The following CSMD1 variants were observed in gnomAD, a reference collection of about 807,000 sequenced individuals.
The protein encoded by CSMD1 is CUB and Sushi multiple domains 1.
Under a neutral mutation model 417.5 loss-of-function variants are expected in CSMD1, and 213 were observed. The ratio of observed to expected loss-of-function variants is 0.51; its 90% CI spans 0.46 to 0.57. CSMD1 has a LOEUF of 0.57. Ranked by LOEUF, CSMD1 falls within the 20% of genes least tolerant of loss-of-function variation. The probability of loss-of-function intolerance (pLI) is 0.00; values close to 1 mark genes in which losing one functional copy is unlikely to be tolerated. For missense variants in CSMD1, 6,923 were observed against 4,529.7 expected (o/e 1.53, Z -15.17); for synonymous variants, 2,862 against 1,736.8 (o/e 1.65, Z -16.11).
chr8:4,473,504 C>G (rs554871209), intron 2 of CSMD1, among the ~76,000 whole-genome samples: 2 of 152,184 alleles, frequency 1.3e-5, no homozygotes, highest in South Asian at 4.1e-4. Flanking sequence ...AACCCCCACT[C>G]CCCTCTTGCA....
chr8:3,119,442 T>C (rs1817068065), intron 41 of CSMD1, among the ~76,000 whole-genome samples: 2 of 141,370 alleles, frequency 1.4e-5, no homozygotes, highest in Admixed American at 7.3e-5. Context: ...TGACAACTAC[T>C]ATCAGTACAA....
intron 49 of CSMD1, among the ~76,000 whole-genome samples, chr8:3,075,966 G>T (rs970682330): frequency 6.6e-6 from 1 of 151,664 alleles, no homozygotes. Context: ...CAGGAGAATG[G>T]CATGAACCTG....
intron 12 of CSMD1, among the ~76,000 whole-genome samples, chr8:3,413,127 T>G (rs1378390446): frequency 6.6e-6 from 1 of 152,218 alleles, no homozygotes; most frequent in Non-Finnish European, 1.5e-5. Flanking sequence ...ATAAGATTCA[T>G]GGAAATTACC....
intron 5 of CSMD1, among the ~76,000 whole-genome samples, chr8:3,881,333 G>C (rs1806189474): frequency 6.7e-6 from 1 of 149,980 alleles, no homozygotes; most frequent in South Asian, 2.1e-4. Context: ...TGAATATATA[G>C]ATATATAAAA....
chr8:3,427,205 T>A (rs918362059), intron 12 of CSMD1, among the ~76,000 whole-genome samples: 2 of 152,188 alleles, frequency 1.3e-5, no homozygotes, highest in Non-Finnish European at 2.9e-5. Context: ...ACTATATCAC[T>A]GAATAAGCAT....
intron 10 of CSMD1, among the ~76,000 whole-genome samples, chr8:3,536,974 G>A (rs1164438812): frequency 6.6e-6 from 1 of 152,112 alleles, no homozygotes; most frequent in South Asian, 2.1e-4. Context: ...GCAACATTGT[G>A]CAACAATAGG....
intron 2 of CSMD1, among the ~76,000 whole-genome samples, chr8:4,634,217 T>A (rs1360172682): frequency 6.6e-6 from 1 of 152,162 alleles, no homozygotes. Context: ...TCCAAGATGA[T>A]AATATAAAGG....
At chr8:4,939,082 C>G (rs59235315) in intron 1 of CSMD1, among the ~76,000 whole-genome samples, 1 of 152,196 alleles carries the variant, frequency 6.6e-6, no homozygotes. Context: ...ATTCTCCCCC[C>G]TCTGCGGGTT....
At chr8:2,974,215 A>G (rs565512806) in intron 56 of CSMD1, among the ~76,000 whole-genome samples, 1 of 152,312 alleles carries the variant, frequency 6.6e-6, no homozygotes, top group South Asian at 2.1e-4. Flanking sequence ...TGAGATCCAG[A>G]CTCTCCTGAG....
intron 3 of CSMD1, among the ~76,000 whole-genome samples, chr8:4,215,985 A>C (rs568994224): frequency 6.6e-6 from 1 of 152,306 alleles, no homozygotes; most frequent in South Asian, 2.1e-4. Flanking sequence ...TTAAACTCAG[A>C]GAGTGGTGCC....
At chr8:4,674,714 T>C (rs912150804) in intron 1 of CSMD1, among the ~76,000 whole-genome samples, 6 of 152,130 alleles carry the variant, frequency 3.9e-5, no homozygotes, top group African/African-American at 1.4e-4. Context: ...AAGAGAGTAG[T>C]GCAAATACAT....
At chr8:3,563,998 G>C (rs1799586707) in intron 10 of CSMD1, among the ~76,000 whole-genome samples, 1 of 152,052 alleles carries the variant, frequency 6.6e-6, no homozygotes, top group African/African-American at 2.4e-5. Context: ...TTAAAGTTCT[G>C]TCTTTTTAAG....
intron 1 of CSMD1, among the ~76,000 whole-genome samples, chr8:4,704,691 GT>G (rs1563179937): frequency 2.2e-4 from 34 of 152,098 alleles, no homozygotes; most frequent in Non-Finnish European, 1.5e-5. Flanking sequence ...AAAGTATTTT[GT>G]TTGTTTGCTT....
intron 1 of CSMD1, among the ~76,000 whole-genome samples, chr8:4,778,619 C>T (rs985036503): frequency 6.6e-6 from 1 of 152,184 alleles, no homozygotes; most frequent in African/African-American, 2.4e-5. Context: ...CCTACTTCTA[C>T]CACTATTGAC....
chr8:3,331,364 T>G (rs550346207), intron 23 of CSMD1, among the ~76,000 whole-genome samples: 29 of 152,304 alleles, frequency 1.9e-4, no homozygotes, highest in African/African-American at 7.0e-4. Context: ...TCCCACATAA[T>G]TTCAGATGTT....
At chr8:3,468,857 T>C (rs1463647881) in intron 11 of CSMD1, 33 bp from the exon 12 acceptor site, 3 of 1,436,922 alleles carry the variant, frequency 2.1e-6, no homozygotes, top group African/African-American at 1.4e-5. Flanking sequence ...AGCTTTTAGG[T>C]AAGGCAACAA....
At chr8:3,951,387 G>T (rs991109544) in intron 5 of CSMD1, among the ~76,000 whole-genome samples, 1 of 152,214 alleles carries the variant, frequency 6.6e-6, no homozygotes, top group African/African-American at 2.4e-5. Flanking sequence ...TTAATTAAAT[G>T]AATGCAAAAG....
intron 17 of CSMD1, among the ~76,000 whole-genome samples, chr8:3,388,704 A>T (rs1298052400): frequency 6.6e-6 from 1 of 152,184 alleles, no homozygotes; most frequent in African/African-American, 2.4e-5. Context: ...CTAAACACTA[A>T]CACATGTCTA....
chr8:3,063,091 T>G (rs1812689301), intron 49 of CSMD1, among the ~76,000 whole-genome samples: 1 of 152,136 alleles, frequency 6.6e-6, no homozygotes, highest in Non-Finnish European at 1.5e-5. Flanking sequence ...CACTAAGCAT[T>G]TAATCAATCT....
Sources: gnomAD v4.1 joint callset for allele counts (sites outside exome capture counted in the v4.1 genomes callset) on GRCh38, gnomAD v4.1.1 for gene constraint, MANE v1.5 for transcripts, NCBI Gene and HGNC (gene_info 2026-07-23, HGNC 2026-07-21) for gene names.